Variants in NXPH1 observed in about 807,000 individuals in gnomAD.
NXPH1 encodes the protein neurexophilin-1.
In NXPH1, 5 loss-of-function variants were observed where a neutral mutation model predicts 23.7. The ratio of observed to expected loss-of-function variants is 0.21; its 90% CI spans 0.11 to 0.44. The LOEUF is 0.44. Among genes scored for constraint, NXPH1 ranks in the 20% least tolerant of loss-of-function variants. The pLI, the probability that NXPH1 is intolerant of heterozygous loss-of-function variation, is 0.99. For synonymous variants in NXPH1, 144 were observed against 122.2 expected, an observed-to-expected ratio of 1.18 and a Z score of -1.18; for missense variants, 324 against 321.6, an observed-to-expected ratio of 1.01 and a Z score of -0.06.
rs2128603408 is a variant in NXPH1 at position 8,435,899 on chromosome 7, C to A, written c.54+132C>A. 2.4e-6 allele frequency: 2 copies of A among 849,470 alleles called. No individual in the cohort carries two copies. The highest frequency in any genetic ancestry group is 4.0e-6 in the Non-Finnish European group (2 of 496,894). The allele number at this position is 849,470 out of a possible 1,614,324, so 52.6% of individuals were successfully genotyped here. ...CTTCCTAGCAGCTGTGTTGGAGCAA[C>A]TTTGGCAAGCTGGTCTCTGGATTCC... On this transcript the variant is annotated intron_variant, in intron 2 of 2. Transcript: ENST00000405863. The surrounding 1 kb of genome is among the most constrained non-coding windows in gnomAD (Gnocchi z 5.9).
intron 2 of NXPH1, among the ~76,000 whole-genome samples, chr7:8,594,043 G>A (rs774535504): frequency 6.6e-6 from 1 of 151,990 alleles, no homozygotes; most frequent in African/African-American, 2.4e-5. Flanking sequence ...GAAGACCACT[G>A]CTTTAGGGCA....
intron 2 of NXPH1, among the ~76,000 whole-genome samples, chr7:8,482,368 G>A (rs1817089537): frequency 6.6e-6 from 1 of 152,044 alleles, no homozygotes; most frequent in South Asian, 2.1e-4. Context: ...CTCTAGCCAG[G>A]CCCACTTCTG....
intron 2 of NXPH1, among the ~76,000 whole-genome samples, chr7:8,545,434 C>CAT (rs1287033367): frequency 6.6e-6 from 1 of 151,416 alleles, no homozygotes; most frequent in Non-Finnish European, 1.5e-5. Flanking sequence ...CAACTGATAA[C>CAT]ATAAACAACA....
intron 2 of NXPH1, among the ~76,000 whole-genome samples, chr7:8,589,113 T>C (rs904672639): frequency 3.3e-5 from 5 of 152,160 alleles, no homozygotes; most frequent in African/African-American, 7.2e-5. Context: ...AACTGACTTT[T>C]AGAAATATCA....
chr7:8,608,767 T>C (rs1338953815), intron 2 of NXPH1, among the ~76,000 whole-genome samples: 1 of 152,168 alleles, frequency 6.6e-6, no homozygotes, highest in Non-Finnish European at 1.5e-5. Flanking sequence ...GAATCCATTT[T>C]TCGTGTGATA....
At chr7:8,573,898 T>C (rs1009819496) in intron 2 of NXPH1, among the ~76,000 whole-genome samples, 1 of 152,160 alleles carries the variant, frequency 6.6e-6, no homozygotes, top group African/African-American at 2.4e-5. Context: ...CACACTTCTG[T>C]CAGTGACTAC....
chr7:8,529,536 C>A (rs1325073255), intron 2 of NXPH1, among the ~76,000 whole-genome samples: 1 of 152,180 alleles, frequency 6.6e-6, no homozygotes, highest in African/African-American at 2.4e-5. Flanking sequence ...GGCTCCATTA[C>A]CAGTAGAGTA....
intron 2 of NXPH1, among the ~76,000 whole-genome samples, chr7:8,650,232 C>T (rs1820469632): frequency 6.6e-6 from 1 of 152,138 alleles, no homozygotes; most frequent in Non-Finnish European, 1.5e-5. Flanking sequence ...ACTTCCAAGT[C>T]TGCCTTTATT....
intron 2 of NXPH1, among the ~76,000 whole-genome samples, chr7:8,650,675 T>C (rs1257338137): frequency 6.6e-6 from 1 of 152,236 alleles, no homozygotes; most frequent in Non-Finnish European, 1.5e-5. Flanking sequence ...GTCTCTTTAG[T>C]TGCCACATGG....
chr7:8,449,367 A>G (rs1816464159), intron 2 of NXPH1, among the ~76,000 whole-genome samples: 1 of 152,206 alleles, frequency 6.6e-6, no homozygotes. Context: ...TAGAGTGGGG[A>G]AGGTGTAAAG....
chr7:8,644,779 C>T (rs943675916), intron 2 of NXPH1, among the ~76,000 whole-genome samples: 5 of 152,104 alleles, frequency 3.3e-5, no homozygotes, highest in African/African-American at 7.2e-5. Context: ...TTGTGTATTA[C>T]AGCCCAGCAC....
rs1423193175 is a variant in NXPH1 at position 8,442,050 on chromosome 7, G to T, written c.54+6283G>T. Among the ~76,000 whole-genome samples, 4 of 152,108 alleles carry T rather than the reference G, an allele frequency of 2.6e-5. No homozygotes were observed. In the East Asian group the frequency reaches 7.7e-4, roughly 29 times the overall value. ...AAGCGAGATGGCGTTGGGAGCCAGG[G>T]CGTTGGGACGGCACAAGCAGTGGGG... On this transcript the variant is annotated intron_variant, in intron 2 of 2. Coordinates refer to ENST00000405863, the MANE Select transcript of NXPH1 (RefSeq NM_152745.3). The surrounding 1 kb of genome is among the most constrained non-coding windows in gnomAD (Gnocchi z 4.6).
At chr7:8,437,812 T>C (rs4141173) in intron 2 of NXPH1, among the ~76,000 whole-genome samples, 46,779 of 152,204 alleles carry the variant, frequency 0.31, 8,653 homozygotes, top group East Asian at 0.78. Flanking sequence ...ACCGTTTAGT[T>C]ACAGACTTCA....
chr7:8,517,051 C>A lies in NXPH1; in HGVS notation c.54+81284C>A, dbSNP rs1817697694. ...TTAATCAATGGATTGATCCAATCCA[C>A]AAATGTACTGAGCACCTACTATGTT... On this transcript the variant is annotated intron_variant, in intron 2 of 2. Transcript: ENST00000405863. 3.3e-5 allele frequency among the ~76,000 whole-genome samples: 5 copies of A among 152,092 alleles called. No individual in the cohort carries two copies. In the South Asian group the frequency reaches 1.0e-3, roughly 32 times the overall value.
chr7:8,684,339 C>T (rs187898266), intron 2 of NXPH1, among the ~76,000 whole-genome samples: 1 of 152,252 alleles, frequency 6.6e-6, no homozygotes, highest in African/African-American at 2.4e-5. Flanking sequence ...GGTATCCTGG[C>T]CTTGAAACTT....
At chr7:8,486,537 C>T (rs1051828798) in intron 2 of NXPH1, among the ~76,000 whole-genome samples, 1 of 152,172 alleles carries the variant, frequency 6.6e-6, no homozygotes, top group African/African-American at 2.4e-5. Flanking sequence ...TGAACTCAGA[C>T]AAGTCATTTA....
At chr7:8,699,388 C>T (rs1247865420) in intron 2 of NXPH1, among the ~76,000 whole-genome samples, 1 of 152,002 alleles carries the variant, frequency 6.6e-6, no homozygotes, top group East Asian at 1.9e-4. Context: ...TTTCCCTTTG[C>T]AAATTCACAT....
At chr7:8,568,562 A>C (rs1276292741) in intron 2 of NXPH1, among the ~76,000 whole-genome samples, 1 of 151,550 alleles carries the variant, frequency 6.6e-6, no homozygotes, top group Non-Finnish European at 1.5e-5. Context: ...GTATGTGTGC[A>C]AATCTCCAAA....
intron 2 of NXPH1, among the ~76,000 whole-genome samples, chr7:8,699,335 A>G (rs1444899397): frequency 6.6e-6 from 1 of 152,134 alleles, no homozygotes; most frequent in Non-Finnish European, 1.5e-5. Flanking sequence ...TTTTAAAACT[A>G]CTAATTGTTT....
Sources: gnomAD v4.1 joint callset for allele counts (sites outside exome capture counted in the v4.1 genomes callset) on GRCh38, gnomAD v4.1.1 for gene constraint, Gnocchi (gnomAD v3.1) non-coding constraint, MANE v1.5 for transcripts, NCBI Gene and HGNC (gene_info 2026-07-23, HGNC 2026-07-21) for gene names.